CCDC141: variants seen among roughly 807,000 people sequenced by gnomAD.
CCDC141 encodes coiled-coil domain containing 141.
In CCDC141, 168 loss-of-function variants were observed where a neutral mutation model predicts 181.0. That is an observed-to-expected ratio of 0.93 (90% CI 0.82 to 1.05). The LOEUF (loss-of-function observed/expected upper bound fraction) is 1.05, where lower values mean the gene tolerates loss of function less well. CCDC141 is among the 50% of genes least tolerant of loss of function. The probability of loss-of-function intolerance (pLI) is 0.00; values close to 1 mark genes in which losing one functional copy is unlikely to be tolerated. For synonymous variants in CCDC141, 666 were observed against 642.3 expected (o/e 1.04, Z -0.56); for missense variants, 1,902 against 1,788.5 (o/e 1.06, Z -1.14).
At chr2:178,859,892 T>G (rs1685529242) in intron 17 of CCDC141, among the ~76,000 whole-genome samples, 2 of 152,118 alleles carry the variant, frequency 1.3e-5, no homozygotes, top group South Asian at 4.1e-4. Context: ...CTTGCTATTG[T>G]TAGTCTTGAC....
At chr2:178,838,314 T>C (rs187978237) in intron 22 of CCDC141, among the ~76,000 whole-genome samples, 7 of 152,350 alleles carry the variant, frequency 4.6e-5, no homozygotes, top group Admixed American at 3.3e-4. Context: ...TGCATTCACA[T>C]TGAGTGTAAC....
chr2:178,952,461 A>G (rs1041379371), intron 5 of CCDC141, among the ~76,000 whole-genome samples: 3 of 152,322 alleles, frequency 2.0e-5, no homozygotes, highest in African/African-American at 7.2e-5. Flanking sequence ...CACAGAGGCC[A>G]AGTAACTGGC....
intron 21 of CCDC141, among the ~76,000 whole-genome samples, chr2:178,846,340 TGC>T (rs775415928): frequency 4.7e-4 from 72 of 152,224 alleles, no homozygotes; most frequent in Non-Finnish European, 7.5e-4. Flanking sequence ...GTGGAGTCAG[TGC>T]AAGAGCCGAG....
chr2:179,026,717 G>A (rs564425269), intron 2 of CCDC141, among the ~76,000 whole-genome samples: 5 of 152,294 alleles, frequency 3.3e-5, no homozygotes, highest in South Asian at 2.1e-4. Context: ...AGCCACAGAC[G>A]CACAATGCCA....
chr2:178,915,944 T>G (rs1354349456), intron 7 of CCDC141: 1 of 152,330 alleles, frequency 6.6e-6, no homozygotes, highest in African/African-American at 2.4e-5. Context: ...TCAGGGGGAT[T>G]TGGGGCTGGG....
intron 5 of CCDC141, among the ~76,000 whole-genome samples, chr2:178,952,519 G>A (rs1689991067): frequency 6.6e-6 from 1 of 152,192 alleles, no homozygotes; most frequent in Non-Finnish European, 1.5e-5. Flanking sequence ...TGGTATCCAT[G>A]CCATCTGCAC....
intron 2 of CCDC141, among the ~76,000 whole-genome samples, chr2:179,001,252 G>A (rs80275226): frequency 0.018 from 2,674 of 152,130 alleles, 62 homozygotes; most frequent in African/African-American, 0.055. Context: ...AGATACTTAC[G>A]CATCTCTCAC....
chr2:178,902,133 A>C lies in CCDC141; in HGVS notation c.1265+3196T>G, dbSNP rs1687725448. 2.6e-5 allele frequency among the ~76,000 whole-genome samples: 4 copies of C among 152,258 alleles called. No individual in the cohort carries two copies. The South Asian group carries it at 8.3e-4, about 32-fold the overall frequency. ...ATACAAACAAATGGAAGAACATTCC[A>C]TGCTCATGGGTAGGAAGAATCAATA... On this transcript the variant is annotated intron_variant, in intron 8 of 23. Coordinates refer to ENST00000443758, the MANE Select transcript of CCDC141 (RefSeq NM_173648.4).
chr2:178,983,735 T>G (rs1691564214), intron 2 of CCDC141, among the ~76,000 whole-genome samples: 1 of 151,702 alleles, frequency 6.6e-6, no homozygotes, highest in Non-Finnish European at 1.5e-5. Context: ...ATGAAATCAA[T>G]GAAATGAAGT....
At chr2:178,853,385 G>A (rs533743589) in intron 20 of CCDC141, 56 bp downstream of exon 20, 4 of 1,495,552 alleles carry the variant, frequency 2.7e-6, no homozygotes, top group African/African-American at 2.8e-5. Flanking sequence ...ACTGGATTAG[G>A]CTCAGTATAG....
chr2:179,029,709 A>G (rs995514308), intron 2 of CCDC141, among the ~76,000 whole-genome samples: 1 of 152,154 alleles, frequency 6.6e-6, no homozygotes, highest in African/African-American at 2.4e-5. Context: ...AAGTATAAAC[A>G]TGATTTATTA....
rs148925089 is a variant in CCDC141 at position 178,853,375 on chromosome 2, A to G, written c.3244+66T>C. ...AGGACTTGCCACACTCTTGCTGTCT[A>G]CTGGATTAGGCTCAGTATAGATTTG... is the stretch of plus-strand genomic sequence containing the variant. On this transcript the variant is annotated intron_variant, in intron 20 of 23. Coordinates refer to ENST00000443758, the MANE Select transcript of CCDC141 (RefSeq NM_173648.4). 8.8e-4 allele frequency: 1,252 copies of G among 1,429,792 alleles called. 1 individual carries two copies. Among genetic ancestry groups the G allele is most frequent in the Non-Finnish European group, 9.5e-4 (974 of 1,030,554 alleles). 88.6% of individuals were successfully genotyped at this position (1,429,792 alleles called of 1,614,324 possible).
chr2:179,047,527 T>C lies in CCDC141; in HGVS notation c.103-121A>G, dbSNP rs2043538819. 4.6e-6 allele frequency: 4 copies of C among 874,528 alleles called. No homozygotes were observed. In the Admixed American group the frequency reaches 1.1e-4, roughly 25 times the overall value. 54.2% of individuals were successfully genotyped at this position (874,528 alleles called of 1,614,324 possible). On this transcript the variant is annotated intron_variant, in intron 1 of 23. Coordinates refer to ENST00000443758, the MANE Select transcript of CCDC141 (RefSeq NM_173648.4). ...ATACTGTAAACACTTTTTTCTATTT[T>C]CTATTTTTTTCCATTCTTTCCATAG...
Position 178,978,818 on chromosome 2 carries a change from G to T in CCDC141, c.226-143C>A. 4.6e-6 allele frequency: 3 copies of T among 652,452 alleles called. No homozygotes were observed. In the South Asian group the frequency reaches 7.5e-5, roughly 16 times the overall value. The allele number at this position is 652,452 out of a possible 1,614,324, so 40.4% of individuals were successfully genotyped here. A position where few individuals can be genotyped will look rare whatever the true frequency, so the allele number is the denominator to read the frequency against. ...AACACAAACTGTTATGCAAGAAGGT[G>T]TATCAAACAGGAAGGAAGGAGCGAT... is the stretch of plus-strand genomic sequence containing the variant. On this transcript the variant is annotated intron_variant, in intron 2 of 23. Transcript: ENST00000443758.
At chr2:178,874,756 A>G (rs13405116) in intron 12 of CCDC141, 65,837 of 152,074 alleles carry the variant, frequency 0.43, 15,888 homozygotes, top group East Asian at 0.86. Flanking sequence ...AATTCTGTGC[A>G]GACAGGAAGC....
At chr2:178,880,164 CT>C (rs1686531221) in intron 11 of CCDC141, among the ~76,000 whole-genome samples, 1 of 152,176 alleles carries the variant, frequency 6.6e-6, no homozygotes, top group Admixed American at 6.5e-5. Flanking sequence ...ATTCATCCTT[CT>C]TTTCCAACTG....
rs202002653 is a variant in CCDC141, at chr2:179,015,285, T to A, written c.225+31999A>T. On this transcript the variant is annotated intron_variant, in intron 2 of 23. Coordinates refer to ENST00000443758, the MANE Select transcript of CCDC141 (RefSeq NM_173648.4). ...ATATCATATATATCTCATCTATCTC[T>A]CATATATCTCATATATGTATCATAC... Among the ~76,000 whole-genome samples, 194 of 20,140 alleles carry A rather than the reference T, an allele frequency of 9.6e-3. 6 individuals carry two copies. The highest frequency in any genetic ancestry group is 0.015 in the African/African-American group (172 of 11,248). The allele number at this position is 20,140 out of a possible 152,430, so 13.2% of individuals were successfully genotyped here.
chr2:178,942,412 C>T (rs965752038), intron 6 of CCDC141, among the ~76,000 whole-genome samples: 5 of 152,110 alleles, frequency 3.3e-5, no homozygotes, highest in African/African-American at 1.2e-4. Flanking sequence ...AGCCTACATA[C>T]TGTACGATTC....
chr2:179,043,993 G>C (rs1190008813), intron 2 of CCDC141, among the ~76,000 whole-genome samples: 1 of 152,184 alleles, frequency 6.6e-6, no homozygotes, highest in African/African-American at 2.4e-5. Flanking sequence ...AAAACCGCTA[G>C]CATTCTTATA....
Sources: allele counts gnomAD v4.1 joint callset (sites outside exome capture counted in the v4.1 genomes callset), GRCh38; gene constraint gnomAD v4.1.1; transcripts MANE v1.5; gene names NCBI Gene and HGNC (gene_info 2026-07-23, HGNC 2026-07-21).